The following ELMO1 variants were observed in gnomAD, a reference collection of about 807,000 sequenced individuals.
ELMO1 encodes the protein engulfment and cell motility protein 1.
ELMO1 carries 26 observed loss-of-function variants against 98.9 expected under a neutral mutation model. The ratio of observed to expected loss-of-function variants is 0.26; its 90% confidence interval spans 0.19 to 0.36. The LOEUF (loss-of-function observed/expected upper bound fraction) is 0.36, where lower values mean the gene tolerates loss of function less well. ELMO1 is among the 10% of genes least tolerant of loss of function. The pLI, the probability that ELMO1 is intolerant of heterozygous loss-of-function variation, is 1.00. For synonymous variants in ELMO1, 346 were observed against 346.0 expected (o/e 1.00, Z 0.00); for missense variants, 627 against 935.2 (o/e 0.67, Z 4.30).
At chr7:37,391,914 C>G (rs1399482801) in intron 1 of ELMO1, among the ~76,000 whole-genome samples, 1 of 152,116 alleles carries the variant, frequency 6.6e-6, no homozygotes, top group Non-Finnish European at 1.5e-5. Context: ...AGTGTGTGTA[C>G]CCCCCTAAGA....
intron 8 of ELMO1, among the ~76,000 whole-genome samples, chr7:37,230,997 A>C (rs1053774438): frequency 2.6e-5 from 4 of 152,172 alleles, no homozygotes; most frequent in African/African-American, 9.7e-5. Context: ...ATTACTCTTA[A>C]TGGCAATTCC....
chr7:37,182,750 T>C (rs1253752963), intron 13 of ELMO1, among the ~76,000 whole-genome samples: 1 of 152,200 alleles, frequency 6.6e-6, no homozygotes, highest in Non-Finnish European at 1.5e-5. Context: ...GTGTCCCTTC[T>C]TACCCCGTGT....
At chr7:37,080,516 C>T in intron 15 of ELMO1, among the ~76,000 whole-genome samples, 1 of 150,680 alleles carries the variant, frequency 6.6e-6, no homozygotes, top group African/African-American at 2.4e-5. Flanking sequence ...CAGTTCACTG[C>T]CATCTCTGCC....
chr7:36,907,996 T>C lies in ELMO1; in HGVS notation c.1438-12979A>G, dbSNP rs982720566. Among the ~76,000 whole-genome samples the C allele has an allele frequency of 2.0e-5, 3 of 152,222 alleles. No homozygotes were observed. In the East Asian group the frequency reaches 5.8e-4, roughly 29 times the overall value. On this transcript the variant is annotated intron_variant, in intron 16 of 21. Transcript: ENST00000310758. ...TTTTCTTAGAAGTCCCAATAAGCACTAACTAGACTTCCTTGAGGACTAATC... is the reference window on the plus strand; with the variant it reads ...TTTTCTTAGAAGTCCCAATAAGCACCAACTAGACTTCCTTGAGGACTAATC...
chr7:37,408,822 T>C (rs1443032389), intron 1 of ELMO1, among the ~76,000 whole-genome samples: 1 of 152,154 alleles, frequency 6.6e-6, no homozygotes, highest in Non-Finnish European at 1.5e-5. Flanking sequence ...ATGAAAAAGC[T>C]CTAGAGATCT....
chr7:37,431,348 AAAAT>A (rs34322157), intron 1 of ELMO1, among the ~76,000 whole-genome samples: 49,186 of 151,680 alleles, frequency 0.32, 9,240 homozygotes, highest in Non-Finnish European at 0.44. Context: ...AAAATAAAAA[AAAAT>A]TAATTAATTT....
At chr7:36,900,848 T>G (rs1341483027) in intron 16 of ELMO1, among the ~76,000 whole-genome samples, 1 of 152,230 alleles carries the variant, frequency 6.6e-6, no homozygotes, top group East Asian at 1.9e-4. Context: ...GGACCATTTT[T>G]CTTCCCAGGA....
intron 15 of ELMO1, among the ~76,000 whole-genome samples, chr7:37,018,208 C>T (rs1004088678): frequency 1.3e-5 from 2 of 151,458 alleles, no homozygotes; most frequent in African/African-American, 2.4e-5. Flanking sequence ...CTCACCACAA[C>T]CTCCGCCTCC....
intron 1 of ELMO1, among the ~76,000 whole-genome samples, chr7:37,370,386 G>A (rs183338004): frequency 2.0e-5 from 3 of 151,994 alleles, no homozygotes; most frequent in Admixed American, 1.3e-4. Flanking sequence ...CATATGTTTT[G>A]TATGGCTCCC....
intron 1 of ELMO1, among the ~76,000 whole-genome samples, chr7:37,381,781 A>G (rs531778218): frequency 2.3e-4 from 35 of 152,180 alleles, no homozygotes; most frequent in Non-Finnish European, 4.7e-4. Context: ...CACTCCCACC[A>G]TTCCAAAAAT....
chr7:37,314,504 T>C (rs919027860), intron 4 of ELMO1, among the ~76,000 whole-genome samples: 1 of 86,892 alleles, frequency 1.2e-5, no homozygotes, highest in African/African-American at 4.7e-5. Context: ...TAAGCAAGGG[T>C]TAGAGGCTAC....
intron 15 of ELMO1, among the ~76,000 whole-genome samples, chr7:37,078,025 A>G (rs187241187): frequency 2.6e-5 from 4 of 152,320 alleles, no homozygotes; most frequent in Admixed American, 2.0e-4. Flanking sequence ...AGTACAGAGA[A>G]GCAGAATCAG....
intron 18 of ELMO1, among the ~76,000 whole-genome samples, chr7:36,885,319 AAACAACAAC>A (rs143571798): frequency 0.17 from 26,270 of 150,118 alleles, 2,665 homozygotes; most frequent in Middle Eastern, 0.32. Flanking sequence ...AACATTTTTT[AAACAACAAC>A]AACAACAACA....
chr7:37,414,417 C>T lies in ELMO1; in HGVS notation c.-74+34258G>A, dbSNP rs190357239. Among the ~76,000 whole-genome samples the T allele has an allele frequency of 2.4e-3, 361 of 152,244 alleles. 2 individuals are homozygous for T. The highest frequency in any genetic ancestry group is 7.4e-3 in the Admixed American group (113 of 15,290). On this transcript the variant is annotated intron_variant, in intron 1 of 21. Transcript: ENST00000310758. Reference sequence around the variant, plus strand: ...CCTACAAGGTGGAGAAGAGAGAGGACGGATAAATTCATTAATCTAAATTAA... The same window carrying T: ...CCTACAAGGTGGAGAAGAGAGAGGATGGATAAATTCATTAATCTAAATTAA...
At chr7:37,378,026 T>C (rs1802424911) in intron 1 of ELMO1, among the ~76,000 whole-genome samples, 1 of 152,200 alleles carries the variant, frequency 6.6e-6, no homozygotes, top group Non-Finnish European at 1.5e-5. Flanking sequence ...CCTCAGACCA[T>C]GCAACCCTAA....
At chr7:36,987,211 T>C (rs984004630) in intron 16 of ELMO1, among the ~76,000 whole-genome samples, 4 of 151,988 alleles carry the variant, frequency 2.6e-5, no homozygotes, top group African/African-American at 9.7e-5. Context: ...CCCCTCAGAC[T>C]CCTCCCCTGC....
chr7:37,292,708 CCGG>C (rs1327803168), intron 4 of ELMO1, among the ~76,000 whole-genome samples: 3 of 96,932 alleles, frequency 3.1e-5, no homozygotes, highest in African/African-American at 3.4e-5. Context: ...GCGTCTCCGC[CCGG>C]CAGCCGCCCC....
At chr7:37,117,239 C>T (rs1312819942) in intron 14 of ELMO1, 1 of 154,518 alleles carries the variant, frequency 6.5e-6, no homozygotes, top group Admixed American at 6.5e-5. Context: ...CAACGGCAAA[C>T]AAACAAGCAA....
At chr7:37,209,019 A>AG (rs2130399712) in intron 13 of ELMO1, among the ~76,000 whole-genome samples, 1 of 152,230 alleles carries the variant, frequency 6.6e-6, no homozygotes, top group East Asian at 1.9e-4. Context: ...TTAAAAAAAA[A>AG]AAACTATTAT....
Sources: gnomAD v4.1 joint callset for allele counts (sites outside exome capture counted in the v4.1 genomes callset) on GRCh38, gnomAD v4.1.1 for gene constraint, MANE v1.5 for transcripts, NCBI Gene and HGNC (gene_info 2026-07-23, HGNC 2026-07-21) for gene names.